BRINP1: variants seen among roughly 807,000 people sequenced by gnomAD.
The protein encoded by BRINP1 is BMP/retinoic acid inducible neural specific 1.
A neutral mutation model predicts 72.9 loss-of-function variants in BRINP1; 17 were observed. The observed-to-expected ratio is 0.23, with a 90% CI of 0.16 to 0.35. The LOEUF (loss-of-function observed/expected upper bound fraction) is 0.35. BRINP1 is among the 10% of genes least tolerant of loss of function. BRINP1 has a pLI of 1.00. For synonymous variants in BRINP1, 418 were observed against 378.5 expected (o/e 1.10, Z -1.21); for missense variants, 850 against 1,001.6 (o/e 0.85, Z 2.04).
chr9:119,216,976 T>C (rs552362305), intron 5 of BRINP1, among the ~76,000 whole-genome samples: 16 of 152,196 alleles, frequency 1.1e-4, no homozygotes, highest in Non-Finnish European at 2.4e-4. Flanking sequence ...CGAGCTGTCT[T>C]GGAGGCAGAA....
intron 7 of BRINP1, among the ~76,000 whole-genome samples, chr9:119,174,374 C>T (rs1342253622): frequency 6.7e-6 from 1 of 150,250 alleles, no homozygotes; most frequent in Non-Finnish European, 1.5e-5. Context: ...AAATGCTCAT[C>T]ATCACTGGCC....
At chr9:119,340,915 T>C (rs191423360) in intron 1 of BRINP1, among the ~76,000 whole-genome samples, 1 of 152,160 alleles carries the variant, frequency 6.6e-6, no homozygotes. Context: ...AGCAAAAGGA[T>C]AAGAATGAAA....
chr9:119,274,243 T>C (rs772211613), intron 2 of BRINP1, among the ~76,000 whole-genome samples: 3 of 152,184 alleles, frequency 2.0e-5, no homozygotes, highest in Non-Finnish European at 4.4e-5. Flanking sequence ...CAGAGAAATA[T>C]AGAGTTCATC....
chr9:119,279,580 C>A (rs1318146544), intron 2 of BRINP1, among the ~76,000 whole-genome samples: 2 of 152,150 alleles, frequency 1.3e-5, no homozygotes, highest in Admixed American at 6.5e-5. Context: ...CATGGAAAAC[C>A]CTTCAGAGGT....
At position 119,201,948 on chromosome 9, in the gene BRINP1, C is replaced by T. The variant is rs927204007; in HGVS notation, c.1145+6771G>A. Among the ~76,000 whole-genome samples, 4 of 152,168 alleles carry T rather than the reference C, an allele frequency of 2.6e-5. No individual in the cohort carries two copies. In the East Asian group the frequency reaches 7.7e-4, roughly 29 times the overall value. ...TTTTCCTTCCTTTTCTCTCCTGCAT[C>T]CCTCCCTTCCGTCCTTCCTTCATCT... On this transcript the variant is annotated intron_variant, in intron 7 of 7. Transcript: ENST00000265922.
At chr9:119,327,327 G>A (rs1831250406) in intron 1 of BRINP1, among the ~76,000 whole-genome samples, 1 of 152,152 alleles carries the variant, frequency 6.6e-6, no homozygotes, top group East Asian at 1.9e-4. Context: ...GCAGGCCCCA[G>A]TGTATGTTGT....
intron 1 of BRINP1, among the ~76,000 whole-genome samples, chr9:119,329,422 G>A (rs1831276910): frequency 1.3e-5 from 2 of 152,186 alleles, no homozygotes; most frequent in South Asian, 4.1e-4. Flanking sequence ...AGCCACAGCT[G>A]TCACTTGTCT....
At chr9:119,299,179 T>C (rs1830913425) in intron 2 of BRINP1, among the ~76,000 whole-genome samples, 1 of 152,160 alleles carries the variant, frequency 6.6e-6, no homozygotes, top group South Asian at 2.1e-4. Flanking sequence ...GATCTTAAAT[T>C]TGTTCTTCCT....
At chr9:119,218,966 G>A (rs1241602926) in intron 5 of BRINP1, among the ~76,000 whole-genome samples, 1 of 152,060 alleles carries the variant, frequency 6.6e-6, no homozygotes, top group Non-Finnish European at 1.5e-5. Flanking sequence ...GTTTAGATGA[G>A]GTCATGTGGG....
At chr9:119,362,696 T>C (rs1831649240) in intron 1 of BRINP1, among the ~76,000 whole-genome samples, 1 of 152,254 alleles carries the variant, frequency 6.6e-6, no homozygotes, top group Non-Finnish European at 1.5e-5. Flanking sequence ...CTTCCTTTTC[T>C]ATCCATTTCC....
intron 1 of BRINP1, among the ~76,000 whole-genome samples, chr9:119,324,898 G>A (rs527472750): frequency 6.6e-6 from 1 of 152,106 alleles, no homozygotes; most frequent in Non-Finnish European, 1.5e-5. Flanking sequence ...TTGGGAGCTC[G>A]AGACCAGCCT....
At position 119,272,142 on chromosome 9, in the gene BRINP1, G is replaced by T. The variant is rs551252022; in HGVS notation, c.219-22992C>A. Among the ~76,000 whole-genome samples, 116 of 148,984 alleles carry T rather than the reference G, an allele frequency of 7.8e-4. 1 individual carries two copies. The highest frequency in any genetic ancestry group is 2.8e-3 in the African/African-American group (113 of 40,632). The stretch of plus-strand genomic sequence containing the variant: ...CACTCAGGCTGGAGTGCAGTGGCGC[G>T]ATCTTGGCTCAATGCAACCTCCGCC... On this transcript the variant is annotated intron_variant, in intron 2 of 7. Transcript: ENST00000265922.
At chr9:119,358,993 CT>C in intron 1 of BRINP1, among the ~76,000 whole-genome samples, 1 of 152,276 alleles carries the variant, frequency 6.6e-6, no homozygotes, top group Middle Eastern at 3.4e-3. Context: ...CCTAATAATA[CT>C]TTTTTTCTAC....
chr9:119,182,383 C>T (rs2118839744), intron 7 of BRINP1, among the ~76,000 whole-genome samples: 2 of 152,284 alleles, frequency 1.3e-5, no homozygotes, highest in Middle Eastern at 3.4e-3. Flanking sequence ...CTTTCAATGA[C>T]AGAATATATT....
intron 5 of BRINP1, among the ~76,000 whole-genome samples, chr9:119,218,513 C>G (rs1025222914): frequency 6.6e-6 from 1 of 151,992 alleles, no homozygotes; most frequent in African/African-American, 2.4e-5. Flanking sequence ...ACTTTAAACG[C>G]TTCCTTCTCC....
At chr9:119,250,146 G>A (rs1830371037) in intron 2 of BRINP1, among the ~76,000 whole-genome samples, 1 of 146,516 alleles carries the variant, frequency 6.8e-6, no homozygotes, top group Admixed American at 6.8e-5. Context: ...GGGAGGGAAG[G>A]AGGGAGGGAG....
intron 7 of BRINP1, among the ~76,000 whole-genome samples, chr9:119,198,430 G>A (rs762960125): frequency 2.6e-5 from 4 of 152,288 alleles, no homozygotes; most frequent in Admixed American, 6.5e-5. Flanking sequence ...TTAATACTAT[G>A]CCAAGTACTA....
At chr9:119,189,583 T>C (rs561283578) in intron 7 of BRINP1, among the ~76,000 whole-genome samples, 34 of 152,156 alleles carry the variant, frequency 2.2e-4, no homozygotes, top group Non-Finnish European at 3.5e-4. Context: ...ACGGTCATTG[T>C]ATAACAATAA....
chr9:119,246,274 A>G (rs769523313), intron 3 of BRINP1, among the ~76,000 whole-genome samples: 31 of 152,176 alleles, frequency 2.0e-4, no homozygotes, highest in Non-Finnish European at 3.4e-4. Flanking sequence ...GGAGATTAAC[A>G]TTTGAGTCAG....
Sources: allele counts gnomAD v4.1 joint callset (sites outside exome capture counted in the v4.1 genomes callset), GRCh38; gene constraint gnomAD v4.1.1; transcripts MANE v1.5; gene names NCBI Gene and HGNC (gene_info 2026-07-23, HGNC 2026-07-21).